DCBLD1: variants seen among roughly 807,000 people sequenced by gnomAD.
The protein encoded by DCBLD1 is discoidin, CUB and LCCL domain-containing protein 1.
A neutral mutation model predicts 71.5 loss-of-function variants in DCBLD1; 57 were observed. That is an observed-to-expected ratio of 0.80 (90% CI 0.64 to 0.99). DCBLD1 has a LOEUF of 0.99. DCBLD1 is among the 50% of genes least tolerant of loss of function. The pLI, the probability that DCBLD1 is intolerant of heterozygous loss-of-function variation, is 0.00. For missense variants in DCBLD1, 891 were observed against 923.5 expected (o/e 0.96, Z 0.46); for synonymous variants, 380 against 363.8 (o/e 1.04, Z -0.51).
intron 2 of DCBLD1, among the ~76,000 whole-genome samples, chr6:117,511,633 AT>A (rs1056086343): frequency 1.3e-5 from 2 of 152,222 alleles, no homozygotes; most frequent in African/African-American, 4.8e-5. Flanking sequence ...TCTGCATGTC[AT>A]TTTTTAGAAT....
chr6:117,548,563 T>G lies in DCBLD1; in HGVS notation c.*124T>G. 1 of 1,473,158 alleles carries G rather than the reference T, an allele frequency of 6.8e-7. No homozygotes were observed. The highest frequency in any genetic ancestry group is 1.4e-5 in the South Asian group (1 of 71,908). 91.3% of individuals were successfully genotyped at this position (1,473,158 alleles called of 1,614,324 possible). On this transcript the variant is annotated 3_prime_UTR_variant, in exon 15 of 15. Coordinates refer to ENST00000338728, the MANE Select transcript of DCBLD1 (RefSeq NM_001366458.2). ...GTGTGTGTGTACACTTGCATGTGTG[T>G]GTGTGATCCAGTAGGATCCTAGAGA...
chr6:117,529,967 G>A (rs557228917), intron 5 of DCBLD1, among the ~76,000 whole-genome samples: 16 of 152,280 alleles, frequency 1.1e-4, no homozygotes, highest in African/African-American at 2.9e-4. Context: ...CCTGTTGCTC[G>A]TTGGCCTGTG....
At chr6:117,554,848 G>C (rs1319630507) in intron 14 of DCBLD1, among the ~76,000 whole-genome samples, 1 of 150,754 alleles carries the variant, frequency 6.6e-6, no homozygotes, top group African/African-American at 2.4e-5. Flanking sequence ...AGCCGAGATC[G>C]AGTCACTGCA....
chr6:117,488,368 G>A (rs1271788392), intron 1 of DCBLD1, among the ~76,000 whole-genome samples: 1 of 152,220 alleles, frequency 6.6e-6, no homozygotes, highest in Non-Finnish European at 1.5e-5. Context: ...ACTAGGCCGG[G>A]CAGGGCGGCT....
intron 2 of DCBLD1, among the ~76,000 whole-genome samples, chr6:117,506,544 C>A (rs1777849911): frequency 1.3e-5 from 2 of 152,258 alleles, no homozygotes; most frequent in South Asian, 4.1e-4. Flanking sequence ...ACCAAAAACA[C>A]TAACCAGACC....
At chr6:117,561,760 T>C (rs1779588401) in intron 14 of DCBLD1, 1 of 206,618 alleles carries the variant, frequency 4.8e-6, no homozygotes, top group South Asian at 1.9e-4. Flanking sequence ...AACATGGTGA[T>C]ATACAGATGA....
intron 2 of DCBLD1, among the ~76,000 whole-genome samples, chr6:117,517,629 G>A (rs757900108): frequency 1.2e-4 from 19 of 152,180 alleles, no homozygotes; most frequent in Non-Finnish European, 1.8e-4. Context: ...ATTTCCATAC[G>A]TCTTCTGAAA....
chr6:117,561,969 A>C (rs558434872), intron 14 of DCBLD1: 16 of 207,532 alleles, frequency 7.7e-5, no homozygotes, highest in African/African-American at 3.4e-4. Context: ...ATAATATTCT[A>C]AAAGCCTTGT....
rs531612577 is a variant in DCBLD1 at position 117,503,749 on chromosome 6, C to G, written c.113-18C>G. 139 of 1,613,320 alleles carry G rather than the reference C, an allele frequency of 8.6e-5. 1 individual carries two copies. The South Asian group carries it at 1.4e-3, about 17-fold the overall frequency. On this transcript the variant is annotated intron_variant, in intron 1 of 14. Transcript: ENST00000338728. ...TGACCCCTTCTTCTTTTATTCCCCCCTTCTTTTTCTTTACCAGGTGATGGC... is the reference window on the plus strand; with the variant it reads ...TGACCCCTTCTTCTTTTATTCCCCCGTTCTTTTTCTTTACCAGGTGATGGC...
At chr6:117,545,177 A>G (rs1261631597) in intron 13 of DCBLD1, among the ~76,000 whole-genome samples, 1 of 151,956 alleles carries the variant, frequency 6.6e-6, no homozygotes, top group Admixed American at 6.5e-5. Context: ...TGCCTCACAG[A>G]TGCCATGCCA....
chr6:117,503,713 G>A, intron 1 of DCBLD1, 54 bp from the exon 2 acceptor site: 3 of 1,576,510 alleles, frequency 1.9e-6, no homozygotes, highest in Non-Finnish European at 2.6e-6. Flanking sequence ...TCAATCCTCA[G>A]TAAGAATTAA....
At chr6:117,523,247 G>T (rs1454396683) in intron 4 of DCBLD1, among the ~76,000 whole-genome samples, 1 of 152,136 alleles carries the variant, frequency 6.6e-6, no homozygotes, top group African/African-American at 2.4e-5. Flanking sequence ...CAGCCATTTT[G>T]TAGTGTTTAG....
At chr6:117,568,092 A>C (rs1487703896) in intron 14 of DCBLD1, among the ~76,000 whole-genome samples, 2 of 151,368 alleles carry the variant, frequency 1.3e-5, no homozygotes, top group Non-Finnish European at 2.9e-5. Flanking sequence ...TTAGCTACTC[A>C]GGGGGCTGAG....
At chr6:117,554,473 C>G (rs987045612), downstream of DCBLD1, among the ~76,000 whole-genome samples, 6 of 152,196 alleles carry the variant, frequency 3.9e-5, no homozygotes, top group Non-Finnish European at 8.8e-5. Flanking sequence ...TAGGACTCCT[C>G]CCTAGAGCCA....
At position 117,515,904 on chromosome 6, in the gene DCBLD1, A is replaced by G. The variant is rs540689168; in HGVS notation, c.326-3912A>G. Among the ~76,000 whole-genome samples, 10 of 152,316 alleles carry G rather than the reference A, an allele frequency of 6.6e-5. No individual in the cohort carries two copies. The East Asian group carries it at 1.5e-3, about 23-fold the overall frequency. On this transcript the variant is annotated intron_variant, in intron 2 of 14. Transcript: ENST00000338728. ...GGGAGGCTGTCACCTGCCAGGTACT[A>G]TGCAGTCTGTTGGAGATAAAGGGAT... is the stretch of plus-strand genomic sequence containing the variant.
Position 117,503,887 on chromosome 6 carries a change from A to G in DCBLD1, c.233A>G (p.Lys78Arg). 2 of 1,614,160 alleles carry G rather than the reference A, an allele frequency of 1.2e-6. No individual in the cohort carries two copies. The highest frequency in any genetic ancestry group is 1.1e-5 in the South Asian group (1 of 91,084). Residue 78 changes from lysine (K) to arginine (R), a missense_variant, in exon 2 of 15, where the codon AAA becomes AGA. Coordinates refer to ENST00000338728, the MANE Select transcript of DCBLD1 (RefSeq NM_001366458.2). ...AAGACAATTACAGTACCAAAGGGGA[A>G]AAGACTGATTCTGAGGTTGGGAGAT... ...CEKTITVPKG[K>R]RLILRLGDLD...
At chr6:117,487,716 C>T (rs534827656) in intron 1 of DCBLD1, among the ~76,000 whole-genome samples, 5 of 151,912 alleles carry the variant, frequency 3.3e-5, no homozygotes, top group East Asian at 1.9e-4. Context: ...TCTGAAAGTA[C>T]GTATGTAAAA....
intron 5 of DCBLD1, among the ~76,000 whole-genome samples, chr6:117,525,961 A>G (rs1387595469): frequency 6.6e-6 from 1 of 152,056 alleles, no homozygotes; most frequent in Non-Finnish European, 1.5e-5. Flanking sequence ...ACTTGTTTCT[A>G]TTTACAGAAA....
intron 2 of DCBLD1, among the ~76,000 whole-genome samples, chr6:117,514,086 T>C (rs1323807639): frequency 6.6e-6 from 1 of 152,224 alleles, no homozygotes; most frequent in East Asian, 1.9e-4. Flanking sequence ...CTCTCAATGC[T>C]ATCATATTTT....
Sources: gnomAD v4.1 joint callset for allele counts (sites outside exome capture counted in the v4.1 genomes callset) on GRCh38, gnomAD v4.1.1 for gene constraint, MANE v1.5 for transcripts, NCBI Gene and HGNC (gene_info 2026-07-23, HGNC 2026-07-21) for gene names.